Variants in ATP2B2 observed in about 807,000 individuals in gnomAD.
The protein encoded by ATP2B2 is plasma membrane calcium-transporting ATPase 2.
A neutral mutation model predicts 120.0 loss-of-function variants in ATP2B2; 15 were observed. The observed-to-expected ratio is 0.12, with a 90% CI of 0.08 to 0.19. ATP2B2 has a LOEUF of 0.19. ATP2B2 is among the 10% of genes least tolerant of loss of function. The pLI, the probability that ATP2B2 is intolerant of heterozygous loss-of-function variation, is 1.00. For synonymous variants in ATP2B2, 694 were observed against 700.3 expected (o/e 0.99, Z 0.14); for missense variants, 1,045 against 1,719.8 (o/e 0.61, Z 6.94).
intron 3 of ATP2B2, among the ~76,000 whole-genome samples, chr3:10,526,667 C>T (rs533376546): frequency 3.9e-5 from 6 of 152,140 alleles, no homozygotes; most frequent in East Asian, 3.9e-4. Flanking sequence ...GATGAGTGTG[C>T]GGATGGCCAA....
intron 1 of ATP2B2, among the ~76,000 whole-genome samples, chr3:10,662,621 G>C (rs2070816158): frequency 6.6e-6 from 1 of 151,724 alleles, no homozygotes; most frequent in Admixed American, 6.6e-5. Flanking sequence ...TAGAGAAATA[G>C]GACCACTTTT....
rs77157469 is a variant in ATP2B2 at position 10,347,754 on chromosome 3, G to A, written c.2405-1617C>T. ...GCTCCCAGGTGGTGCGGACCGTTGCGTAGCTCAAGCTGTGCGGAAAGCTGG... is the reference window on the plus strand; with the variant it reads ...GCTCCCAGGTGGTGCGGACCGTTGCATAGCTCAAGCTGTGCGGAAAGCTGG... On this transcript the variant is annotated intron_variant, in intron 16 of 22. Coordinates refer to ENST00000360273, the MANE Select transcript of ATP2B2 (RefSeq NM_001001331.4). The surrounding 1 kb of genome is among the most constrained non-coding windows in gnomAD (Gnocchi z 5.2). 5.4e-3 allele frequency among the ~76,000 whole-genome samples: 820 copies of A among 152,244 alleles called. 5 individuals carry two copies. Among genetic ancestry groups the A allele is most frequent in the African/African-American group, 0.018 (765 of 41,550 alleles).
chr3:10,427,689 A>C lies in ATP2B2; in HGVS notation c.200-16874T>G, dbSNP rs192663657. Among the ~76,000 whole-genome samples the C allele has an allele frequency of 4.9e-4, 75 of 152,302 alleles. 2 individuals are homozygous for C. The highest frequency in any genetic ancestry group is 4.7e-3 in the Admixed American group (72 of 15,302). On this transcript the variant is annotated intron_variant, in intron 2 of 22. Transcript: ENST00000360273. ...GGTGGAGGGAGACACCTAAACAATT[A>C]ATTCCAATCGATGGCCACAAATTTG...
intron 3 of ATP2B2, among the ~76,000 whole-genome samples, chr3:10,520,312 A>AG (rs2066958285): frequency 6.6e-6 from 1 of 152,120 alleles, no homozygotes; most frequent in African/African-American, 2.4e-5. Context: ...GCAGCAGGGG[A>AG]GGGGGGTGCC....
intron 1 of ATP2B2, among the ~76,000 whole-genome samples, chr3:10,669,705 C>CCAG (rs2071043244): frequency 6.6e-6 from 1 of 152,198 alleles, no homozygotes; most frequent in Non-Finnish European, 1.5e-5. Context: ...AGACCCTGGC[C>CCAG]ATGGTTTGCA....
At chr3:10,338,524 G>GCCTTTTTTTTTTTTTTTTTTTTTTT (rs1444514191) in intron 21 of ATP2B2, among the ~76,000 whole-genome samples, 166 bp from the exon 22 acceptor site, 1 of 119,490 alleles carries the variant, frequency 8.4e-6, no homozygotes. Flanking sequence ...CTTTGACAAT[G>GCCTTTTTTTTTTTTTTTTTTTTTTT]TCTTTTTTTT....
At chr3:10,609,200 G>A (rs1182424344) in intron 2 of ATP2B2, among the ~76,000 whole-genome samples, 1 of 152,198 alleles carries the variant, frequency 6.6e-6, no homozygotes, top group Non-Finnish European at 1.5e-5. Context: ...ACCCTCCTGG[G>A]TGTGTACCAG....
chr3:10,643,754 G>A (rs1219062485), intron 1 of ATP2B2, among the ~76,000 whole-genome samples: 2 of 152,182 alleles, frequency 1.3e-5, no homozygotes, highest in Non-Finnish European at 2.9e-5. Context: ...AATTAAAGGA[G>A]GCTTAAGAGA....
chr3:10,600,196 AT>A (rs1370277902), intron 2 of ATP2B2, among the ~76,000 whole-genome samples: 1 of 152,192 alleles, frequency 6.6e-6, no homozygotes, highest in Non-Finnish European at 1.5e-5. Flanking sequence ...AAATCAGAAA[AT>A]ATCTTTCTCT....
rs770605669 is a variant in ATP2B2 at position 10,394,493 on chromosome 3, G to A, written c.782-6091C>T. On this transcript the variant is annotated intron_variant, in intron 5 of 22. Coordinates refer to ENST00000360273, the MANE Select transcript of ATP2B2 (RefSeq NM_001001331.4). ...AGTGGTGGAGCCGGGACTTGAACCC[G>A]TGCTCTATCCACTACACCCCGCTGC... is the stretch of plus-strand genomic sequence containing the variant. The A allele has an allele frequency of 1.7e-4, 81 of 471,140 alleles. 2 individuals carry two copies. Among genetic ancestry groups the A allele is most frequent in the South Asian group, 1.2e-3 (77 of 64,494 alleles). The allele number at this position is 471,140 out of a possible 1,614,324, so 29.2% of individuals were successfully genotyped here. A position where few individuals can be genotyped will look rare whatever the true frequency, so the allele number is the denominator to read the frequency against.
intron 1 of ATP2B2, among the ~76,000 whole-genome samples, chr3:10,679,308 C>T (rs892405428): frequency 1.3e-5 from 2 of 152,196 alleles, no homozygotes; most frequent in Admixed American, 1.3e-4. Context: ...CAATACCTTA[C>T]ATCACAGGAA....
intron 2 of ATP2B2, among the ~76,000 whole-genome samples, chr3:10,585,493 GAAAAAAAAA>G (rs60670471): frequency 7.0e-5 from 2 of 28,506 alleles, no homozygotes; most frequent in African/African-American, 3.3e-4. Flanking sequence ...GACTCCGTCT[GAAAAAAAAA>G]AAAAAAAAAA....
In ATP2B2 at chr3:10,358,683, G is replaced by A. The variant is rs2060809126; in HGVS notation, c.2136+8C>T. On this transcript the variant is annotated splice_region_variant and intron_variant, in intron 14 of 22. Transcript: ENST00000360273. ...CCTTTCCCTGAGCTCGCTGGCCCTG[G>A]GGCCTACCTCTGGCCGCACCGGGTC... 6.2e-7 allele frequency: 1 copy of A among 1,614,044 alleles called. No individual in the cohort carries two copies. Among genetic ancestry groups the A allele is most frequent in the Non-Finnish European group, 8.5e-7 (1 of 1,179,968 alleles).
chr3:10,457,238 C>T (rs887107720), intron 1 of ATP2B2, among the ~76,000 whole-genome samples: 4 of 151,258 alleles, frequency 2.6e-5, no homozygotes, highest in East Asian at 1.9e-4. Context: ...GGTGTATGGG[C>T]GTACAAGGCA....
In ATP2B2 at chr3:10,402,404, A is replaced by G; in HGVS notation, c.398-56T>C. 2 of 1,604,090 alleles carry G rather than the reference A, an allele frequency of 1.2e-6. No individual in the cohort carries two copies. Among genetic ancestry groups the G allele is most frequent in the South Asian group, 1.1e-5 (1 of 91,030 alleles). On this transcript the variant is annotated intron_variant, in intron 3 of 22. Coordinates refer to ENST00000360273, the MANE Select transcript of ATP2B2 (RefSeq NM_001001331.4). This position sits in a 1 kb window ranked among gnomAD's most constrained non-coding sequence, Gnocchi z 4.9. Reference sequence around the variant, plus strand: ...AGGTCAACCAGACAGGAGAGGCCTCATGGGCCTGGATTTACAGCTCAGCTC... The same window carrying G: ...AGGTCAACCAGACAGGAGAGGCCTCGTGGGCCTGGATTTACAGCTCAGCTC...
chr3:10,584,342 A>G (rs977825223), intron 2 of ATP2B2, among the ~76,000 whole-genome samples: 2 of 152,224 alleles, frequency 1.3e-5, no homozygotes, highest in African/African-American at 2.4e-5. Context: ...CCCCTGGGAC[A>G]TGAAGTTTGA....
chr3:10,394,686 G>A (rs1575109088), intron 5 of ATP2B2: 1 of 394,592 alleles, frequency 2.5e-6, no homozygotes, highest in East Asian at 7.5e-5. Context: ...TGGGCAGCAG[G>A]TCCTGGGATG....
intron 1 of ATP2B2, among the ~76,000 whole-genome samples, chr3:10,650,987 C>T (rs1386064086): frequency 6.6e-6 from 1 of 152,210 alleles, no homozygotes; most frequent in African/African-American, 2.4e-5. Flanking sequence ...TGAGTGGGGC[C>T]TGCAGCCCCT....
intron 1 of ATP2B2, among the ~76,000 whole-genome samples, chr3:10,492,860 G>A (rs920951671): frequency 2.0e-5 from 3 of 152,166 alleles, no homozygotes; most frequent in African/African-American, 7.2e-5. Context: ...AGAGCAGATG[G>A]AACTTGAACT....
Sources: allele counts gnomAD v4.1 joint callset (sites outside exome capture counted in the v4.1 genomes callset), GRCh38; gene constraint gnomAD v4.1.1; non-coding constraint Gnocchi (gnomAD v3.1); transcripts MANE v1.5; gene names NCBI Gene and HGNC (gene_info 2026-07-23, HGNC 2026-07-21).